The following PPP1R16B variants were observed in gnomAD, a reference collection of about 807,000 sequenced individuals.
The protein encoded by PPP1R16B is protein phosphatase 1 regulatory inhibitor subunit 16B.
PPP1R16B carries 14 observed loss-of-function variants against 61.7 expected under a neutral mutation model. That is an observed-to-expected ratio of 0.23 (90% CI 0.15 to 0.35). The LOEUF (loss-of-function observed/expected upper bound fraction) is 0.35, where lower values mean the gene tolerates loss of function less well. Ranked by LOEUF, PPP1R16B falls within the 10% of genes least tolerant of loss-of-function variation. The probability of loss-of-function intolerance (pLI) is 1.00; values close to 1 mark genes in which losing one functional copy is unlikely to be tolerated. For missense variants in PPP1R16B, 547 were observed against 752.5 expected (o/e 0.73, Z 3.19); for synonymous variants, 266 against 305.3 (o/e 0.87, Z 1.34).
Position 38,918,480 on chromosome 20 carries a change from G to A in PPP1R16B, c.1518G>A (p.Met506Ile). 6.2e-7 allele frequency: 1 copy of A among 1,612,918 alleles called. No homozygotes were observed. Among genetic ancestry groups the A allele is most frequent in the Non-Finnish European group, 8.5e-7 (1 of 1,179,164 alleles). ...PFLSTHLGSS[M>I]ARTGESSSEG... ...TTAGCACACACCTGGGCAGCAGCAT[G>A]GCCAGGACGGGCGAGAGTAGCAGTG... The change falls in exon 11 of 11, where the codon ATG (methionine) becomes ATA (isoleucine). Residue 506 changes from methionine to isoleucine, a missense_variant. Met to Ile is a conservative substitution (Grantham distance 10). Coordinates refer to ENST00000299824, the MANE Select transcript of PPP1R16B (RefSeq NM_015568.4). This position sits in a 1 kb window ranked among gnomAD's most constrained non-coding sequence, Gnocchi z 5.3.
At chr20:38,826,529 C>CT (rs1379544762) in intron 1 of PPP1R16B, among the ~76,000 whole-genome samples, 4 of 152,114 alleles carry the variant, frequency 2.6e-5, no homozygotes, top group Non-Finnish European at 4.4e-5. Flanking sequence ...ATTCCTTTAC[C>CT]TGTTTGAGCT....
chr20:38,886,087 T>A (rs887526130), intron 2 of PPP1R16B, among the ~76,000 whole-genome samples: 1 of 152,152 alleles, frequency 6.6e-6, no homozygotes, highest in African/African-American at 2.4e-5. Context: ...GAAAACATTA[T>A]TAATATAATA....
rs1198302610 is a variant in PPP1R16B at position 38,920,907 on chromosome 20, A to T, written c.*2241A>T. ...GCCCAGACTGACGCTGAAATCCCTC[A>T]TGAGCCAACCTTAGCTACAAGGTAG... On this transcript the variant is annotated 3_prime_UTR_variant, in exon 11 of 11. Transcript: ENST00000299824. The T allele has an allele frequency of 6.6e-6, 1 of 152,208 alleles. No individual in the cohort carries two copies. Among genetic ancestry groups the T allele is most frequent in the Non-Finnish European group, 1.5e-5 (1 of 68,052 alleles). The allele number at this position is 152,208 out of a possible 1,614,324, so 9.4% of individuals were successfully genotyped here.
chr20:38,849,703 CTGTT>C (rs1157915840), intron 2 of PPP1R16B, among the ~76,000 whole-genome samples: 2 of 150,224 alleles, frequency 1.3e-5, no homozygotes, highest in South Asian at 4.2e-4. Flanking sequence ...AAACAAAAAA[CTGTT>C]TGTTGAAGCA....
rs74349273 is a variant in PPP1R16B, at chr20:38,819,787, A to T, written c.-102+13995A>T. ...AGGTGGGACCCAGAGAGCAGTATTT[A>T]AAAAAAAAAATTGTGATGATTTCTT... On this transcript the variant is annotated intron_variant, in intron 1 of 10. Coordinates refer to ENST00000299824, the MANE Select transcript of PPP1R16B (RefSeq NM_015568.4). 7.4e-5 allele frequency among the ~76,000 whole-genome samples: 11 copies of T among 149,186 alleles called. No homozygotes were observed. In the East Asian group the frequency reaches 1.4e-3, roughly 19 times the overall value.
intron 1 of PPP1R16B, among the ~76,000 whole-genome samples, chr20:38,823,590 G>A (rs989426069): frequency 8.6e-5 from 13 of 151,824 alleles, no homozygotes; most frequent in African/African-American, 2.4e-4. Flanking sequence ...GCAGTGAGCC[G>A]AGATAGTGCC....
At chr20:38,887,209 T>A (rs921679614) in intron 2 of PPP1R16B, among the ~76,000 whole-genome samples, 1 of 152,224 alleles carries the variant, frequency 6.6e-6, no homozygotes, top group African/African-American at 2.4e-5. Context: ...AGAAGTGATG[T>A]GACTCTGTAA....
intron 2 of PPP1R16B, among the ~76,000 whole-genome samples, chr20:38,874,792 G>C (rs1365531012): frequency 6.6e-6 from 1 of 152,206 alleles, no homozygotes; most frequent in Non-Finnish European, 1.5e-5. Flanking sequence ...CATGGGTCAA[G>C]TGTGGGGGTA....
chr20:38,860,068 A>T (rs1386073867), intron 2 of PPP1R16B, among the ~76,000 whole-genome samples: 1 of 152,112 alleles, frequency 6.6e-6, no homozygotes. Context: ...CCACCTTCCG[A>T]GTTCAAGTGA....
intron 3 of PPP1R16B, among the ~76,000 whole-genome samples, chr20:38,891,006 C>T (rs112780062): frequency 5.3e-5 from 8 of 152,320 alleles, no homozygotes; most frequent in African/African-American, 1.9e-4. Flanking sequence ...CCATTGGAAA[C>T]TCCCAGACTC....
At chr20:38,915,497 T>G (rs1215836597) in intron 10 of PPP1R16B, among the ~76,000 whole-genome samples, 1 of 152,206 alleles carries the variant, frequency 6.6e-6, no homozygotes, top group Non-Finnish European at 1.5e-5. Flanking sequence ...CTATATGGTT[T>G]TTTTTTGAGA....
intron 6 of PPP1R16B, 54 bp from the exon 7 acceptor site, chr20:38,905,915 C>T (rs1236274438): frequency 2.4e-5 from 38 of 1,565,294 alleles, no homozygotes; most frequent in East Asian, 2.1e-4. Context: ...GCTAGCCTAC[C>T]GTCAATGTGG....
intron 6 of PPP1R16B, among the ~76,000 whole-genome samples, chr20:38,904,681 C>T (rs1257436183): frequency 6.6e-6 from 1 of 152,024 alleles, no homozygotes; most frequent in Non-Finnish European, 1.5e-5. Flanking sequence ...CTTCAAGCAA[C>T]CTTCTCCCAG....
intron 2 of PPP1R16B, among the ~76,000 whole-genome samples, chr20:38,849,890 A>C (rs1347244920): frequency 6.6e-6 from 1 of 152,176 alleles, no homozygotes; most frequent in Non-Finnish European, 1.5e-5. Context: ...TATCTTGTTG[A>C]GTTTTGAGCC....
chr20:38,834,242 C>T (rs2084855170), intron 1 of PPP1R16B, among the ~76,000 whole-genome samples: 2 of 152,174 alleles, frequency 1.3e-5, no homozygotes, highest in South Asian at 2.1e-4. Flanking sequence ...AACTCCTGGC[C>T]TCAAGCTGTC....
At chr20:38,909,386 C>A (rs551049843) in intron 10 of PPP1R16B, among the ~76,000 whole-genome samples, 1 of 152,194 alleles carries the variant, frequency 6.6e-6, no homozygotes, top group African/African-American at 2.4e-5. Context: ...ATTTATTACA[C>A]CTGCAAATAC....
intron 3 of PPP1R16B, among the ~76,000 whole-genome samples, chr20:38,889,932 T>G (rs934955092): frequency 7.9e-5 from 12 of 152,232 alleles, no homozygotes; most frequent in Non-Finnish European, 1.3e-4. Flanking sequence ...ACTGCATCCC[T>G]CCTGCCCATG....
intron 2 of PPP1R16B, among the ~76,000 whole-genome samples, chr20:38,856,986 G>A (rs539396410): frequency 9.8e-5 from 15 of 152,318 alleles, no homozygotes; most frequent in South Asian, 8.3e-4. Context: ...GTTGGGTAAG[G>A]AGCCTCAGAA....
At chr20:38,894,600 C>T (rs1005075258) in intron 3 of PPP1R16B, among the ~76,000 whole-genome samples, 2 of 152,240 alleles carry the variant, frequency 1.3e-5, no homozygotes, top group Non-Finnish European at 2.9e-5. Flanking sequence ...AAGCCCCAAG[C>T]CCTTATCTGG....
Sources: allele counts gnomAD v4.1 joint callset (sites outside exome capture counted in the v4.1 genomes callset), GRCh38; gene constraint gnomAD v4.1.1; non-coding constraint Gnocchi (gnomAD v3.1); transcripts MANE v1.5; gene names NCBI Gene and HGNC (gene_info 2026-07-23, HGNC 2026-07-21).